The following NDUFAF2 variants were observed in gnomAD, a reference collection of about 807,000 sequenced individuals.
The protein encoded by NDUFAF2 is NADH dehydrogenase [ubiquinone] 1 alpha subcomplex assembly factor 2.
A neutral mutation model predicts 22.8 loss-of-function variants in NDUFAF2; 13 were observed. That is an observed-to-expected ratio of 0.57 (90% CI 0.37 to 0.91). The LOEUF (loss-of-function observed/expected upper bound fraction) is 0.91, where lower values mean the gene tolerates loss of function less well. Ranked by LOEUF, NDUFAF2 falls within the 40% of genes least tolerant of loss-of-function variation. NDUFAF2 has a pLI of 0.01. For missense variants in NDUFAF2, 162 were observed against 195.2 expected, an observed-to-expected ratio of 0.83 and a Z score of 1.01; for synonymous variants, 53 against 64.2, an observed-to-expected ratio of 0.83 and a Z score of 0.84.
intron 3 of NDUFAF2, among the ~76,000 whole-genome samples, chr5:61,101,109 A>G (rs988174195): frequency 1.3e-5 from 2 of 152,158 alleles, no homozygotes; most frequent in African/African-American, 2.4e-5. Context: ...AATTCTAGAT[A>G]CATCATATTA....
At chr5:61,126,028 G>A (rs1753032144) in intron 3 of NDUFAF2, among the ~76,000 whole-genome samples, 2 of 151,988 alleles carry the variant, frequency 1.3e-5, no homozygotes, top group Admixed American at 6.6e-5. Context: ...ATTTCTGAGG[G>A]AAGGTGTGGA....
rs373123540 is a variant in NDUFAF2, at chr5:61,003,242, A to G, written c.127+57860A>G. ...TACAGTTACAGGCTGATTTTTATTG[A>G]TCGTTCCGTACTTTAGAAAACTGGC... On this transcript the variant is annotated intron_variant, in intron 1 of 3. Transcript: ENST00000296597. Among the ~76,000 whole-genome samples, 8 of 152,126 alleles carry G rather than the reference A, an allele frequency of 5.3e-5. No homozygotes were observed. The East Asian group carries it at 1.5e-3, about 29-fold the overall frequency.
At chr5:61,059,594 T>A (rs1351823759) in intron 1 of NDUFAF2, among the ~76,000 whole-genome samples, 1 of 152,078 alleles carries the variant, frequency 6.6e-6, no homozygotes, top group Non-Finnish European at 1.5e-5. Flanking sequence ...CTAAATCATA[T>A]TATATAAAGC....
chr5:61,055,626 T>C (rs1476693040), intron 1 of NDUFAF2, among the ~76,000 whole-genome samples: 2 of 152,136 alleles, frequency 1.3e-5, no homozygotes, highest in African/African-American at 2.4e-5. Flanking sequence ...TGTCACAGAA[T>C]AGTTAGGTTG....
At chr5:61,010,422 A>G (rs534047257) in intron 1 of NDUFAF2, among the ~76,000 whole-genome samples, 1 of 152,102 alleles carries the variant, frequency 6.6e-6, no homozygotes, top group East Asian at 1.9e-4. Flanking sequence ...ATAGGTCTTT[A>G]CACATGTTTT....
intron 1 of NDUFAF2, among the ~76,000 whole-genome samples, chr5:61,033,170 G>T (rs1021816396): frequency 1.3e-5 from 2 of 152,126 alleles, no homozygotes; most frequent in Admixed American, 6.6e-5. Context: ...TAGCAATTGT[G>T]AATGGGAGTT....
chr5:61,029,024 AC>A (rs1751691262), intron 1 of NDUFAF2, among the ~76,000 whole-genome samples: 1 of 151,596 alleles, frequency 6.6e-6, no homozygotes, highest in Non-Finnish European at 1.5e-5. Flanking sequence ...AACTGTACAG[AC>A]CACTTTTCAG....
At chr5:61,104,393 T>C (rs1247469000) in intron 3 of NDUFAF2, among the ~76,000 whole-genome samples, 3 of 152,114 alleles carry the variant, frequency 2.0e-5, no homozygotes, top group African/African-American at 7.2e-5. Context: ...TGGTTTATTA[T>C]AGGTTTACAG....
intron 3 of NDUFAF2, among the ~76,000 whole-genome samples, chr5:61,099,680 TA>T (rs2111768301): frequency 6.6e-6 from 1 of 152,104 alleles, no homozygotes; most frequent in East Asian, 1.9e-4. Context: ...TAAAAATATG[TA>T]AAGACCTCTA....
At chr5:60,988,613 A>G (rs764647391) in intron 1 of NDUFAF2, among the ~76,000 whole-genome samples, 2 of 152,198 alleles carry the variant, frequency 1.3e-5, no homozygotes, top group Non-Finnish European at 2.9e-5. Flanking sequence ...TAGAGAGCCC[A>G]GAAATAATGC....
intron 3 of NDUFAF2, among the ~76,000 whole-genome samples, chr5:61,150,790 T>C (rs562491653): frequency 6.6e-6 from 1 of 152,282 alleles, no homozygotes; most frequent in Non-Finnish European, 1.5e-5. Context: ...AGAACGAACT[T>C]CCATTAAGAC....
At chr5:61,033,818 G>A (rs1350612523) in intron 1 of NDUFAF2, among the ~76,000 whole-genome samples, 1 of 152,190 alleles carries the variant, frequency 6.6e-6, no homozygotes. Flanking sequence ...AAAAGTTGTA[G>A]TGAGAAGTTA....
intron 1 of NDUFAF2, among the ~76,000 whole-genome samples, chr5:60,999,078 G>A (rs1751263697): frequency 6.6e-6 from 1 of 151,838 alleles, no homozygotes; most frequent in African/African-American, 2.4e-5. Flanking sequence ...TGAAAATAAT[G>A]ACACATTACC....
In NDUFAF2 at chr5:60,993,699, G is replaced by T. The variant is rs189121211; in HGVS notation, c.127+48317G>T. The stretch of plus-strand genomic sequence containing the variant: ...CAGAGAGGAGGCCCTGGAATGGATA[G>T]CTCCTCTCTGCAGCTGATCACCCCG... On this transcript the variant is annotated intron_variant, in intron 1 of 3. Coordinates refer to ENST00000296597, the MANE Select transcript of NDUFAF2 (RefSeq NM_174889.5). Among the ~76,000 whole-genome samples the T allele has an allele frequency of 2.8e-4, 42 of 152,210 alleles. No individual in the cohort carries two copies. In the East Asian group the frequency reaches 7.9e-3, roughly 29 times the overall value.
chr5:61,020,571 G>GTT (rs1328916187), intron 1 of NDUFAF2, among the ~76,000 whole-genome samples: 1 of 149,108 alleles, frequency 6.7e-6, no homozygotes, highest in South Asian at 2.2e-4. Flanking sequence ...GTGTGTGTGT[G>GTT]TGTACACATG....
chr5:61,147,858 G>A (rs953801638), intron 3 of NDUFAF2, among the ~76,000 whole-genome samples: 5 of 152,044 alleles, frequency 3.3e-5, no homozygotes, highest in Non-Finnish European at 5.9e-5. Context: ...TGACCCTTCC[G>A]GGATCTTTAC....
intron 1 of NDUFAF2, among the ~76,000 whole-genome samples, chr5:60,959,785 C>G (rs1411525713): frequency 1.3e-5 from 2 of 152,046 alleles, no homozygotes; most frequent in African/African-American, 2.4e-5. Flanking sequence ...TTTTAATTTT[C>G]TGATCTTCAT....
At chr5:61,027,913 A>T (rs1431741775) in intron 1 of NDUFAF2, among the ~76,000 whole-genome samples, 1 of 151,950 alleles carries the variant, frequency 6.6e-6, no homozygotes, top group Non-Finnish European at 1.5e-5. Context: ...ACAGATATTT[A>T]TTGACTGCCA....
At chr5:61,038,918 TTTTG>T (rs1473175939) in intron 1 of NDUFAF2, among the ~76,000 whole-genome samples, 2 of 152,100 alleles carry the variant, frequency 1.3e-5, no homozygotes, top group Admixed American at 1.3e-4. Flanking sequence ...ATGAATGCTT[TTTTG>T]TTTATCTTGT....
Sources: gnomAD v4.1 joint callset for allele counts (sites outside exome capture counted in the v4.1 genomes callset) on GRCh38, gnomAD v4.1.1 for gene constraint, MANE v1.5 for transcripts, NCBI Gene and HGNC (gene_info 2026-07-23, HGNC 2026-07-21) for gene names.